Variants in DYM observed in about 807,000 individuals in gnomAD.
DYM encodes dymeclin, also known as dyggve-Melchior-Clausen syndrome protein.
Under a neutral mutation model 93.1 loss-of-function variants are expected in DYM, and 78 were observed. The ratio of observed to expected loss-of-function variants is 0.84; its 90% CI spans 0.70 to 1.01. DYM has a LOEUF of 1.01. DYM is among the 50% of genes least tolerant of loss of function. DYM has a pLI of 0.00. For synonymous variants in DYM, 321 were observed against 319.7 expected (o/e 1.00, Z -0.04); for missense variants, 789 against 845.0 (o/e 0.93, Z 0.82).
At chr18:49,090,430 A>G (rs992473970) in intron 17 of DYM, among the ~76,000 whole-genome samples, 1 of 152,242 alleles carries the variant, frequency 6.6e-6, no homozygotes, top group Admixed American at 6.5e-5. Context: ...GTCTAAAGTG[A>G]TAAAAATAAA....
chr18:49,201,939 G>T (rs1426719727), intron 14 of DYM, among the ~76,000 whole-genome samples: 1 of 152,114 alleles, frequency 6.6e-6, no homozygotes, highest in Admixed American at 6.5e-5. Context: ...GTTTGGCACA[G>T]GACTAATCAC....
At position 49,440,983 on chromosome 18, in the gene DYM, A is replaced by ATTT. The variant is rs2081380753; in HGVS notation, c.-53-10537_-53-10536insAAA. Among the ~76,000 whole-genome samples, 7 of 3,158 alleles carry ATTT rather than the reference A, an allele frequency of 2.2e-3. 2 individuals are homozygous for ATTT. Among genetic ancestry groups the ATTT allele is most frequent in the African/African-American group, 2.7e-3 (3 of 1,102 alleles). 2.1% of individuals were successfully genotyped at this position (3,158 alleles called of 152,430 possible). A position where few individuals can be genotyped will look rare whatever the true frequency, so the allele number is the denominator to read the frequency against. ...ATATTATATTTATATAATATATTAT[A>ATTT]TATAATATATAATATATTTATATAT... On this transcript the variant is annotated intron_variant, in intron 1 of 17. Coordinates refer to ENST00000675505, the MANE Select transcript of DYM (RefSeq NM_001353214.3).
At chr18:49,196,227 G>A (rs1170282930) in intron 14 of DYM, among the ~76,000 whole-genome samples, 4 of 152,058 alleles carry the variant, frequency 2.6e-5, no homozygotes, top group Middle Eastern at 3.4e-3. Context: ...CACTGCACCC[G>A]GCCTTGAATG....
At chr18:49,246,464 A>C (rs1482988544) in intron 13 of DYM, among the ~76,000 whole-genome samples, 1 of 152,188 alleles carries the variant, frequency 6.6e-6, no homozygotes, top group Admixed American at 6.5e-5. Context: ...TAACATATCA[A>C]ATATCACAAT....
intron 14 of DYM, among the ~76,000 whole-genome samples, chr18:49,203,849 T>TA (rs1288835712): frequency 2.1e-3 from 26 of 12,236 alleles, no homozygotes; most frequent in Admixed American, 4.8e-3. Flanking sequence ...GAATTATCAA[T>TA]AAAAAAATAA....
chr18:49,081,507 A>C (rs1464785549), intron 17 of DYM, among the ~76,000 whole-genome samples: 1 of 126,908 alleles, frequency 7.9e-6, no homozygotes, highest in Non-Finnish European at 1.6e-5. Flanking sequence ...AGAGAGGGAG[A>C]GGGAGACCGA....
chr18:49,320,809 T>C (rs1236644245), intron 8 of DYM, among the ~76,000 whole-genome samples: 1 of 152,168 alleles, frequency 6.6e-6, no homozygotes, highest in East Asian at 1.9e-4. Context: ...TGAATAACTC[T>C]TACCGTTAGT....
chr18:49,187,109 C>T (rs1003211306), intron 14 of DYM, among the ~76,000 whole-genome samples: 10 of 151,900 alleles, frequency 6.6e-5, no homozygotes, highest in Admixed American at 4.6e-4. Flanking sequence ...TTAGTAGAGG[C>T]GGGGTTTCAC....
chr18:49,087,853 A>C (rs2078687063), intron 17 of DYM, among the ~76,000 whole-genome samples: 1 of 151,952 alleles, frequency 6.6e-6, no homozygotes, highest in African/African-American at 2.4e-5. Flanking sequence ...TTTGATTTGC[A>C]TTTCTCTGAT....
chr18:49,367,939 T>C (rs1168068833), intron 5 of DYM, among the ~76,000 whole-genome samples: 2 of 152,240 alleles, frequency 1.3e-5, no homozygotes, highest in South Asian at 2.1e-4. Context: ...GTAGAGTCTA[T>C]GTTTTTGCCA....
At chr18:49,417,284 G>A (rs1464108695) in intron 2 of DYM, among the ~76,000 whole-genome samples, 1 of 151,898 alleles carries the variant, frequency 6.6e-6, no homozygotes, top group Non-Finnish European at 1.5e-5. Flanking sequence ...AAGTAGTTGG[G>A]ACTACAAGCA....
intron 8 of DYM, among the ~76,000 whole-genome samples, chr18:49,287,395 A>T (rs1026350083): frequency 6.6e-6 from 1 of 151,274 alleles, no homozygotes; most frequent in African/African-American, 2.4e-5. Flanking sequence ...AATTCTTACA[A>T]ACTAGAAAGG....
At chr18:49,215,899 G>C (rs1043108763) in intron 13 of DYM, among the ~76,000 whole-genome samples, 2 of 152,242 alleles carry the variant, frequency 1.3e-5, no homozygotes, top group African/African-American at 4.8e-5. Context: ...GACAGTGGGT[G>C]CAGGACAGTG....
At chr18:49,231,119 C>T (rs2093681506) in intron 13 of DYM, among the ~76,000 whole-genome samples, 1 of 152,224 alleles carries the variant, frequency 6.6e-6, no homozygotes, top group Non-Finnish European at 1.5e-5. Flanking sequence ...ACCTTAAGAT[C>T]AACCTCATTA....
intron 15 of DYM, among the ~76,000 whole-genome samples, chr18:49,159,774 G>T (rs1364777688): frequency 1.3e-5 from 2 of 152,136 alleles, no homozygotes; most frequent in Non-Finnish European, 2.9e-5. Flanking sequence ...GTTATTTGAT[G>T]ACCACAGGGC....
At chr18:49,410,292 C>A (rs2072081389) in intron 2 of DYM, among the ~76,000 whole-genome samples, 1 of 151,968 alleles carries the variant, frequency 6.6e-6, no homozygotes, top group Admixed American at 6.6e-5. Flanking sequence ...AACTCCTGGC[C>A]TCAAACAATC....
chr18:49,150,008 C>T (rs1389399801), intron 15 of DYM, among the ~76,000 whole-genome samples: 1 of 152,038 alleles, frequency 6.6e-6, no homozygotes, highest in East Asian at 1.9e-4. Flanking sequence ...CACCCAGCCT[C>T]ACAAAGTGTT....
intron 15 of DYM, among the ~76,000 whole-genome samples, chr18:49,130,468 A>G (rs1003361344): frequency 2.6e-5 from 4 of 152,240 alleles, no homozygotes; most frequent in Admixed American, 6.5e-5. Flanking sequence ...ACCTGAGTCC[A>G]TAAGTCCATA....
At chr18:49,197,075 G>A (rs189820037) in intron 14 of DYM, among the ~76,000 whole-genome samples, 4 of 152,192 alleles carry the variant, frequency 2.6e-5, no homozygotes, top group Non-Finnish European at 4.4e-5. Context: ...ACCATTCATG[G>A]AGATGAAAAG....
Sources: allele counts gnomAD v4.1 joint callset (sites outside exome capture counted in the v4.1 genomes callset), GRCh38; gene constraint gnomAD v4.1.1; transcripts MANE v1.5; gene names NCBI Gene and HGNC (gene_info 2026-07-23, HGNC 2026-07-21).